AADACL4: variants seen among roughly 807,000 people sequenced by gnomAD.
AADACL4 encodes arylacetamide deacetylase like 4, also known as arylacetamide deacetylase-like 4.
Under a neutral mutation model 14.1 loss-of-function variants are expected in AADACL4, and 9 were observed. The ratio of observed to expected loss-of-function variants is 0.64; its 90% CI spans 0.39 to 1.12. The LOEUF (loss-of-function observed/expected upper bound fraction) is 1.12. Among genes scored for constraint, AADACL4 ranks in the 50% most tolerant of loss-of-function variants. AADACL4 has a pLI of 0.01. For synonymous variants in AADACL4, 188 were observed against 201.6 expected (o/e 0.93, Z 0.57); for missense variants, 531 against 516.1 (o/e 1.03, Z -0.28).
chr1:12,653,098 T>A (rs553724289), intron 2 of AADACL4, among the ~76,000 whole-genome samples: 1 of 152,040 alleles, frequency 6.6e-6, no homozygotes, highest in South Asian at 2.1e-4. Context: ...TGATTAGGGG[T>A]CTTGGCCCCG....
intron 2 of AADACL4, 109 bp from the exon 3 acceptor site, chr1:12,661,682 G>A: frequency 8.9e-7 from 1 of 1,127,474 alleles, no homozygotes; most frequent in Non-Finnish European, 1.4e-6. Flanking sequence ...GAAACAGAGA[G>A]GATGCCACAC....
chr1:12,650,522 A>G (rs1269441772), intron 1 of AADACL4, among the ~76,000 whole-genome samples: 3 of 150,214 alleles, frequency 2.0e-5, no homozygotes, highest in Non-Finnish European at 4.4e-5. Flanking sequence ...GCCTTGGCCA[A>G]CTGGCTTTTC....
In AADACL4 at chr1:12,666,560, G is replaced by A. The variant is rs773606956; in HGVS notation, c.1049G>A (p.Arg350His). 2.2e-5 allele frequency: 36 copies of A among 1,614,116 alleles called. No individual in the cohort carries two copies. The highest frequency in any genetic ancestry group is 8.3e-5 in the Admixed American group (5 of 60,006). ...FLVSCENDIL[R>H]DDSLLYKKRL... ...GTGAGCTGTGAGAATGACATACTCC[G>A]TGATGACAGCTTGCTCTATAAGAAG... Residue 350 changes from arginine to histidine, a missense_variant, in exon 4 of 4, where the codon CGT becomes CAT. Transcript: ENST00000376221.
chr1:12,645,108 CTT>C (rs1647102922), intron 1 of AADACL4, among the ~76,000 whole-genome samples: 1 of 132,470 alleles, frequency 7.5e-6, no homozygotes, highest in Non-Finnish European at 1.6e-5. Flanking sequence ...CTTTTTCCTT[CTT>C]TCTTTCTCTC....
rs112428655 is a variant in AADACL4, at chr1:12,662,035, A to G, written c.449+181A>G. Among the ~76,000 whole-genome samples, 1,210 of 152,294 alleles carry G rather than the reference A, an allele frequency of 7.9e-3. 12 individuals are homozygous for G. The highest frequency in any genetic ancestry group is 0.027 in the African/African-American group (1,107 of 41,554). ...AAACCTGAAAGCAACCCACATGTCC[A>G]TGAACGGGGGCGTGCATGAATAAAC... On this transcript the variant is annotated intron_variant, in intron 3 of 3. Transcript: ENST00000376221.
chr1:12,652,442 C>T (rs1647154702), intron 2 of AADACL4, among the ~76,000 whole-genome samples: 1 of 152,182 alleles, frequency 6.6e-6, no homozygotes, highest in East Asian at 1.9e-4. Context: ...TGTCTTGATA[C>T]CGGTGGGCTG....
At chr1:12,654,461 G>T (rs1647168891) in intron 2 of AADACL4, among the ~76,000 whole-genome samples, 1 of 152,194 alleles carries the variant, frequency 6.6e-6, no homozygotes. Context: ...ATACTTGTGG[G>T]TCTACTTGAG....
intron 2 of AADACL4, among the ~76,000 whole-genome samples, chr1:12,651,975 C>G (rs972223474): frequency 1.3e-5 from 2 of 151,744 alleles, no homozygotes; most frequent in Middle Eastern, 3.2e-3. Context: ...ACTACAGGTG[C>G]CTGCCACCGT....
intron 1 of AADACL4, among the ~76,000 whole-genome samples, chr1:12,649,046 G>A (rs1455133910): frequency 6.6e-6 from 1 of 151,824 alleles, no homozygotes; most frequent in Non-Finnish European, 1.5e-5. Context: ...TTTGGTGGTA[G>A]GAACAAACAT....
At chr1:12,660,094 A>C (rs1647214824) in intron 2 of AADACL4, among the ~76,000 whole-genome samples, 1 of 152,212 alleles carries the variant, frequency 6.6e-6, no homozygotes, top group Non-Finnish European at 1.5e-5. Flanking sequence ...TTGGGGTTAC[A>C]GGAGTGAGCC....
At chr1:12,656,940 A>T (rs1373744179) in intron 2 of AADACL4, among the ~76,000 whole-genome samples, 1 of 152,050 alleles carries the variant, frequency 6.6e-6, no homozygotes, top group Non-Finnish European at 1.5e-5. Flanking sequence ...CAGGAGTTCA[A>T]GACTGGCCCT....
Position 12,666,706 on chromosome 1 carries a change from G to T in AADACL4, c.1195G>T (p.Ala399Ser), listed in dbSNP as rs1371590281. 6.2e-7 allele frequency: 1 copy of T among 1,612,162 alleles called. No individual in the cohort carries two copies. The highest frequency in any genetic ancestry group is 1.7e-5 in the Admixed American group (1 of 59,968). Reference protein sequence around the residue: ...SFPCSLKIVNAVVSYIKGI With the variant: ...SFPCSLKIVNSVVSYIKGI ...CCCATGTTCCCTGAAGATTGTGAAT[G>T]CTGTAGTCAGTTATATAAAGGGCAT... Residue 399 changes from alanine (A) to serine (S), a missense_variant, in exon 4 of 4, where the codon GCT (alanine) becomes TCT (serine). Ala to Ser is a moderately conservative substitution (Grantham distance 99). Coordinates refer to ENST00000376221, the MANE Select transcript of AADACL4 (RefSeq NM_001013630.2).
chr1:12,665,086 G>A (rs1475147950), intron 3 of AADACL4, among the ~76,000 whole-genome samples: 1 of 152,254 alleles, frequency 6.6e-6, no homozygotes, highest in Non-Finnish European at 1.5e-5. Context: ...GGAGTGCAGT[G>A]GTGTAATCAC....
chr1:12,644,929 C>T (rs536989844), intron 1 of AADACL4, among the ~76,000 whole-genome samples: 1 of 150,182 alleles, frequency 6.7e-6, no homozygotes, highest in South Asian at 2.1e-4. Flanking sequence ...CTTTCTTCCT[C>T]TCTCCCTCCC....
intron 2 of AADACL4, among the ~76,000 whole-genome samples, chr1:12,655,225 A>G (rs1647174286): frequency 1.3e-5 from 2 of 152,158 alleles, no homozygotes; most frequent in South Asian, 4.2e-4. Flanking sequence ...GGGTGCCATC[A>G]ACACCTGTGA....
chr1:12,654,064 G>A (rs1264940310), intron 2 of AADACL4, among the ~76,000 whole-genome samples: 1 of 152,192 alleles, frequency 6.6e-6, no homozygotes, highest in East Asian at 1.9e-4. Flanking sequence ...TCCAGGATCA[G>A]TTCTCTCAAA....
chr1:12,666,721 A>G lies in AADACL4; in HGVS notation c.1210A>G (p.Ile404Val), dbSNP rs779640227. ...LKIVNAVVSYIKGI is the reference protein window; with the variant it reads ...LKIVNAVVSYVKGI ...GATTGTGAATGCTGTAGTCAGTTATATAAAGGGCATATGATAGTAACCCTG... is the reference window on the plus strand; with the variant it reads ...GATTGTGAATGCTGTAGTCAGTTATGTAAAGGGCATATGATAGTAACCCTG... The change falls in exon 4 of 4, where the codon ATA (isoleucine) becomes GTA (valine). Residue 404 changes from isoleucine (I) to valine (V), a missense_variant. By Grantham distance (29) the Ile-to-Val change is conservative. Transcript: ENST00000376221. The G allele has an allele frequency of 3.1e-6, 5 of 1,608,762 alleles. No homozygotes were observed. The highest frequency in any genetic ancestry group is 4.2e-6 in the Non-Finnish European group (5 of 1,179,222).
chr1:12,651,163 A>G lies in AADACL4; in HGVS notation c.209A>G (p.Lys70Arg), dbSNP rs528198918. The change falls in exon 2 of 4, where the codon AAA becomes AGA. Residue 70 changes from lysine (K) to arginine (R), a missense_variant. Coordinates refer to ENST00000376221, the MANE Select transcript of AADACL4 (RefSeq NM_001013630.2). ...FEKLGICSMP[K>R]FIRFLHDSVR... ...AAGCTGGGAATTTGCTCCATGCCCA[A>G]ATTTATTCGTTTTTTACATGATAGC... 2.0e-5 allele frequency: 32 copies of G among 1,614,164 alleles called. No homozygotes were observed. In the Middle Eastern group the frequency reaches 8.2e-4, roughly 42 times the overall value.
At chr1:12,650,357 G>C (rs1647137214) in intron 1 of AADACL4, among the ~76,000 whole-genome samples, 1 of 152,084 alleles carries the variant, frequency 6.6e-6, no homozygotes, top group Non-Finnish European at 1.5e-5. Flanking sequence ...ATCCCTAACT[G>C]ATCACGTTGC....
Sources: allele counts gnomAD v4.1 joint callset (sites outside exome capture counted in the v4.1 genomes callset), GRCh38; gene constraint gnomAD v4.1.1; transcripts MANE v1.5; gene names NCBI Gene and HGNC (gene_info 2026-07-23, HGNC 2026-07-21).